The following PRPF40B variants were observed in gnomAD, a reference collection of about 807,000 sequenced individuals.
PRPF40B encodes the protein pre-mRNA processing factor 40B.
A neutral mutation model predicts 124.5 loss-of-function variants in PRPF40B; 56 were observed. The observed-to-expected ratio is 0.45, with a 90% confidence interval of 0.36 to 0.56. PRPF40B has a LOEUF of 0.56. Among genes scored for constraint, PRPF40B ranks in the 20% least tolerant of loss-of-function variants. PRPF40B has a pLI of 0.00. For synonymous variants in PRPF40B, 443 were observed against 426.4 expected (o/e 1.04, Z -0.48); for missense variants, 1,053 against 1,169.5 (o/e 0.90, Z 1.45).
chr12:49,632,716 C>T, intron 5 of PRPF40B, 93 bp downstream of exon 5: 1 of 1,594,566 alleles, frequency 6.3e-7, no homozygotes, highest in East Asian at 2.2e-5. Flanking sequence ...CTGGATCATG[C>T]CTGTTGGGAT....
upstream of PRPF40B, chr12:49,623,450 G>T: frequency 1.1e-6 from 1 of 929,878 alleles, no homozygotes; most frequent in Non-Finnish European, 1.4e-6. Context: ...GGCCCCGCTC[G>T]CCGGCGGGAG....
At chr12:49,630,060 G>A (rs1024939204) in intron 1 of PRPF40B, among the ~76,000 whole-genome samples, 3 of 152,188 alleles carry the variant, frequency 2.0e-5, no homozygotes, top group Admixed American at 6.5e-5. Flanking sequence ...AAGGACTAGC[G>A]ACTATTTGTG....
chr12:49,633,159 C>A, intron 7 of PRPF40B, 35 bp downstream of exon 7: 1 of 1,527,080 alleles, frequency 6.5e-7, no homozygotes, highest in Non-Finnish European at 8.9e-7. Context: ...TTCCTTTCAG[C>A]TGCCCTGACC....
intron 10 of PRPF40B, 44 bp downstream of exon 10, chr12:49,634,136 T>G (rs757609673): frequency 2.5e-6 from 4 of 1,596,804 alleles, no homozygotes; most frequent in Non-Finnish European, 3.4e-6. Flanking sequence ...GGCCTCAGAC[T>G]CCCAGCCTGG....
At chr12:49,636,921 C>G in intron 16 of PRPF40B, 72 bp downstream of exon 16, 2 of 1,601,246 alleles carry the variant, frequency 1.2e-6, no homozygotes, top group South Asian at 2.2e-5. Context: ...CCATTCCCTG[C>G]CCCCTTCTGG....
chr12:49,628,305 G>A (rs1361185002), intron 1 of PRPF40B, among the ~76,000 whole-genome samples: 26 of 152,144 alleles, frequency 1.7e-4, no homozygotes, highest in Non-Finnish European at 3.7e-4. Context: ...CTGTCACCCA[G>A]GCTGGAGTGC....
chr12:49,630,495 C>G (rs758945065), intron 1 of PRPF40B, 50 bp from the exon 2 acceptor site: 1 of 784,088 alleles, frequency 1.3e-6, no homozygotes, highest in Non-Finnish European at 2.2e-6. Context: ...CTGCAAAAAG[C>G]CCATCTCTGT....
At chr12:49,632,926 T>TG in intron 6 of PRPF40B, 46 bp downstream of exon 6, 2 of 1,609,866 alleles carry the variant, frequency 1.2e-6, no homozygotes, top group Admixed American at 1.7e-5. Flanking sequence ...AGCCTGAGAG[T>TG]GGGGGACTGA....
chr12:49,628,705 G>T (rs2138413169), intron 1 of PRPF40B, among the ~76,000 whole-genome samples: 1 of 151,946 alleles, frequency 6.6e-6, no homozygotes, highest in Admixed American at 6.6e-5. Flanking sequence ...TGGGACTAAA[G>T]GTGCCTGCCA....
In PRPF40B at chr12:49,634,058, G is replaced by T. The variant is rs758716607; in HGVS notation, c.778G>T (p.Gly260Trp). The T allele has an allele frequency of 8.1e-6, 13 of 1,613,392 alleles. No homozygotes were observed. Among genetic ancestry groups the T allele is most frequent in the Non-Finnish European group, 3.4e-6 (4 of 1,179,910 alleles). Reference protein sequence around the residue: ...VLEATQPLEQGFLQQLEEGPS... With the variant: ...VLEATQPLEQWFLQQLEEGPS... ...GGAGGCCACCCAGCCCCTGGAACAG[G>T]GGTTCCTGCAGCAGCTGGAGGAGGG... is the stretch of plus-strand genomic sequence containing the variant. Residue 260 changes from glycine (G) to tryptophan (W), a missense_variant, in exon 10 of 26, where the codon GGG (glycine) becomes TGG (tryptophan). Gly to Trp is a radical substitution (Grantham distance 184). Coordinates refer to ENST00000548825, the MANE Select transcript of PRPF40B (RefSeq NM_001031698.3).
In PRPF40B at chr12:49,632,583, C is replaced by T; in HGVS notation, c.295-13C>T. ...CTTGGCCCCAACCCTTCCCCCTCCTCTTTCTTCGGCAGACGGCTCCGGGTG... is the reference window on the plus strand; with the variant it reads ...CTTGGCCCCAACCCTTCCCCCTCCTTTTTCTTCGGCAGACGGCTCCGGGTG... On this transcript the variant is annotated splice_polypyrimidine_tract_variant and intron_variant, in intron 4 of 25. Coordinates refer to ENST00000548825, the MANE Select transcript of PRPF40B (RefSeq NM_001031698.3). 6.2e-7 allele frequency: 1 copy of T among 1,613,608 alleles called. No homozygotes were observed. The highest frequency in any genetic ancestry group is 8.5e-7 in the Non-Finnish European group (1 of 1,179,872).
At chr12:49,628,716 C>G (rs909283372) in intron 1 of PRPF40B, among the ~76,000 whole-genome samples, 1 of 152,090 alleles carries the variant, frequency 6.6e-6, no homozygotes. Context: ...GTGCCTGCCA[C>G]CACGCCTGGC....
At chr12:49,637,441 C>A in intron 16 of PRPF40B, 29 bp from the exon 17 acceptor site, 1 of 1,521,248 alleles carries the variant, frequency 6.6e-7, no homozygotes, top group Non-Finnish European at 9.1e-7. Flanking sequence ...CTGTCTCACT[C>A]TCCCTATAAC....
Position 49,631,417 on chromosome 12 carries a change from TC to T in PRPF40B, c.107del (p.Pro36HisfsTer11). On this transcript the variant is annotated frameshift_variant, in exon 3 of 26. Coordinates refer to ENST00000548825, the MANE Select transcript of PRPF40B (RefSeq NM_001031698.3). LOFTEE classifies it high-confidence loss of function. This position sits in a 1 kb window ranked among gnomAD's most constrained non-coding sequence, Gnocchi z 4.3. ...CATTTCCAGATGCCCCCTCCAGGGA[TC>T]CCCCCACCCTTTCCTCCGATGGGGC... ...MPPPFMPPPG[I>X]PPPFPPMGLP... is the part of the protein sequence containing the mutation. 13 of 1,336,092 alleles carry T rather than the reference TC, an allele frequency of 9.7e-6. No homozygotes were observed. The highest frequency in any genetic ancestry group is 2.8e-5 in the East Asian group (1 of 35,298). The allele number at this position is 1,336,092 out of a possible 1,614,324, so 82.8% of individuals were successfully genotyped here. A position where few individuals can be genotyped will look rare whatever the true frequency, so the allele number is the denominator to read the frequency against.
upstream of PRPF40B, chr12:49,623,464 C>G: frequency 9.2e-7 from 1 of 1,084,046 alleles, no homozygotes; most frequent in Middle Eastern, 3.4e-4. Context: ...GCGGGAGCCA[C>G]CGGAGCCCCG....
chr12:49,624,576 G>A (rs1940528956), intron 1 of PRPF40B, among the ~76,000 whole-genome samples: 1 of 152,220 alleles, frequency 6.6e-6, no homozygotes. Flanking sequence ...GGGGCCGGGC[G>A]CGGTGGCTCA....
Position 49,634,464 on chromosome 12 carries a change from G to A in PRPF40B, c.936+9G>A, listed in dbSNP as rs1226956576. 6.2e-7 allele frequency: 1 copy of A among 1,614,166 alleles called. No homozygotes were observed. Among genetic ancestry groups the A allele is most frequent in the East Asian group, 2.2e-5 (1 of 44,890 alleles). ...AACTGCTGAGGGACAAGGTGCTGGA[G>A]TGGGGCTCCCAGGGAAGGTTTGGAG... On this transcript the variant is annotated intron_variant, in intron 11 of 25. Transcript: ENST00000548825.
rs1312302003 is a variant in PRPF40B, at chr12:49,633,009, C to A, written c.349-5C>A. 4 of 1,326,936 alleles carry A rather than the reference C, an allele frequency of 3.0e-6. No homozygotes were observed. The highest frequency in any genetic ancestry group is 1.9e-5 in the Admixed American group (1 of 53,906). The allele number at this position is 1,326,936 out of a possible 1,614,324, so 82.2% of individuals were successfully genotyped here. On this transcript the variant is annotated splice_region_variant and splice_polypyrimidine_tract_variant and intron_variant, in intron 6 of 25. Transcript: ENST00000548825. ...CCACCATTCTGTGCCCCCCCCCCCA[C>A]CCAGAGGGCCCTATGGAGTGAGCAT... is the stretch of plus-strand genomic sequence containing the variant.
rs1324641771 is a variant in PRPF40B, at chr12:49,631,107, G to A, written c.85-294G>A. Among the ~76,000 whole-genome samples, 1 of 152,140 alleles carries A rather than the reference G, an allele frequency of 6.6e-6. No homozygotes were observed. The highest frequency in any genetic ancestry group is 1.5e-5 in the Non-Finnish European group (1 of 68,032). ...TCTTTGGGGGAGAATTGCTGAAGAG[G>A]TGGAGCCTTCCAGTCTCAGTCTGGT... On this transcript the variant is annotated intron_variant, in intron 2 of 25. Transcript: ENST00000548825. The surrounding 1 kb of genome is among the most constrained non-coding windows in gnomAD (Gnocchi z 4.3).
Sources: gnomAD v4.1 joint callset for allele counts (sites outside exome capture counted in the v4.1 genomes callset) on GRCh38, gnomAD v4.1.1 for gene constraint, Gnocchi (gnomAD v3.1) non-coding constraint, MANE v1.5 for transcripts, NCBI Gene and HGNC (gene_info 2026-07-23, HGNC 2026-07-21) for gene names.